The following TRPM3 variants were observed in gnomAD, a reference collection of about 807,000 sequenced individuals.
The protein encoded by TRPM3 is long transient receptor potential channel 3.
In TRPM3, 77 loss-of-function variants were observed where a neutral mutation model predicts 181.2. The observed-to-expected ratio is 0.42, with a 90% CI of 0.35 to 0.51. TRPM3 has a LOEUF of 0.51. TRPM3 is among the 20% of genes least tolerant of loss of function. The pLI, the probability that TRPM3 is intolerant of heterozygous loss-of-function variation, is 0.01. For synonymous variants in TRPM3, 745 were observed against 796.4 expected, an observed-to-expected ratio of 0.94 and a Z score of 1.09; for missense variants, 1,759 against 2,196.7, an observed-to-expected ratio of 0.80 and a Z score of 3.98.
intron 1 of TRPM3, among the ~76,000 whole-genome samples, chr9:70,963,621 G>A (rs2097158732): frequency 6.6e-6 from 1 of 152,080 alleles, no homozygotes; most frequent in East Asian, 1.9e-4. Flanking sequence ...CAAGTGTGCT[G>A]TATTTTGACT....
chr9:71,385,836 C>T (rs2092910237), intron 1 of TRPM3, among the ~76,000 whole-genome samples: 1 of 152,054 alleles, frequency 6.6e-6, no homozygotes, highest in Non-Finnish European at 1.5e-5. Flanking sequence ...TCCCAAGTAG[C>T]TGAGACTACA....
At chr9:71,220,356 TTTA>T (rs34805476) in intron 1 of TRPM3, among the ~76,000 whole-genome samples, 87,960 of 145,794 alleles carry the variant, frequency 0.6, 28,667 homozygotes, top group East Asian at 0.95. Context: ...AAAAGTCTGA[TTTA>T]TTATTATTAT....
chr9:70,545,901 A>C (rs1468163908), intron 25 of TRPM3, among the ~76,000 whole-genome samples: 1 of 152,200 alleles, frequency 6.6e-6, no homozygotes, highest in Non-Finnish European at 1.5e-5. Flanking sequence ...GACTGGTAGC[A>C]TAGGCAGTTT....
chr9:71,115,223 C>G (rs1587376260), intron 1 of TRPM3, among the ~76,000 whole-genome samples: 1 of 137,248 alleles, frequency 7.3e-6, no homozygotes, highest in African/African-American at 2.5e-5. Context: ...CAGCTTTTTT[C>G]AACGTGGGGT....
chr9:70,943,028 C>T (rs555793491), intron 1 of TRPM3, among the ~76,000 whole-genome samples: 2 of 151,964 alleles, frequency 1.3e-5, no homozygotes, highest in South Asian at 2.1e-4. Context: ...CTTTGGCATT[C>T]GAGATGTGAA....
At chr9:70,670,390 T>G (rs2062685465) in intron 9 of TRPM3, among the ~76,000 whole-genome samples, 1 of 152,250 alleles carries the variant, frequency 6.6e-6, no homozygotes, top group South Asian at 2.1e-4. Flanking sequence ...TAAGTTCTTT[T>G]ATTGAATTCT....
At chr9:70,863,534 C>A (rs1028278005) in intron 2 of TRPM3, among the ~76,000 whole-genome samples, 1 of 152,122 alleles carries the variant, frequency 6.6e-6, no homozygotes, top group African/African-American at 2.4e-5. Context: ...AATGAGGAAT[C>A]TCACTTCTTT....
chr9:70,665,597 T>C (rs1263557634), intron 9 of TRPM3, among the ~76,000 whole-genome samples: 1 of 152,190 alleles, frequency 6.6e-6, no homozygotes, highest in Non-Finnish European at 1.5e-5. Flanking sequence ...AACAGAGAAC[T>C]TCATGAGTGT....
intron 1 of TRPM3, among the ~76,000 whole-genome samples, chr9:71,077,960 A>G (rs935780758): frequency 2.1e-5 from 3 of 144,512 alleles, no homozygotes; most frequent in African/African-American, 7.7e-5. Context: ...GTAGCCAACC[A>G]CACAAGCTTC....
chr9:70,689,765 A>G (rs10121703), intron 8 of TRPM3, among the ~76,000 whole-genome samples: 5,041 of 152,160 alleles, frequency 0.033, 89 homozygotes, highest in Non-Finnish European at 0.04. Context: ...GCAGGAATAT[A>G]TTATAGAAAA....
chr9:71,031,998 TA>T (rs368579038), intron 1 of TRPM3, among the ~76,000 whole-genome samples: 24 of 504 alleles, frequency 0.048, no homozygotes, highest in African/African-American at 0.15. Flanking sequence ...TATATATATA[TA>T]ATTATATAAT....
chr9:70,791,940 C>T (rs1472318268), intron 6 of TRPM3, among the ~76,000 whole-genome samples: 1 of 152,134 alleles, frequency 6.6e-6, no homozygotes, highest in East Asian at 1.9e-4. Flanking sequence ...GGGGCATTGC[C>T]TTCTTGCTTT....
At chr9:70,892,140 C>T (rs1225046229) in intron 1 of TRPM3, among the ~76,000 whole-genome samples, 1 of 152,070 alleles carries the variant, frequency 6.6e-6, no homozygotes, top group Non-Finnish European at 1.5e-5. Flanking sequence ...ATGAATCGCC[C>T]ATGTTATTTT....
At chr9:71,438,635 T>G (rs760948094) in intron 1 of TRPM3, among the ~76,000 whole-genome samples, 4 of 152,196 alleles carry the variant, frequency 2.6e-5, no homozygotes, top group Non-Finnish European at 5.9e-5. Context: ...ATTGTGCCAC[T>G]GCACCCCAGC....
At chr9:70,874,627 TG>T (rs1415975643) in intron 1 of TRPM3, among the ~76,000 whole-genome samples, 1 of 152,016 alleles carries the variant, frequency 6.6e-6, no homozygotes, top group Non-Finnish European at 1.5e-5. Flanking sequence ...CTTCTGATTT[TG>T]TTAGCAGCCA....
At chr9:71,333,381 G>C (rs1348130562) in intron 1 of TRPM3, among the ~76,000 whole-genome samples, 1 of 151,982 alleles carries the variant, frequency 6.6e-6, no homozygotes, top group African/African-American at 2.4e-5. Context: ...TGAACATAGA[G>C]ATTTACTTCC....
intron 1 of TRPM3, among the ~76,000 whole-genome samples, chr9:71,073,362 G>A (rs2063027063): frequency 6.6e-6 from 1 of 152,198 alleles, no homozygotes. Context: ...AGTAGGACAT[G>A]TGACGGTTCA....
At chr9:71,007,110 A>AAAGAAAGG (rs1381321214) in intron 1 of TRPM3, among the ~76,000 whole-genome samples, 1 of 150,430 alleles carries the variant, frequency 6.6e-6, no homozygotes, top group Non-Finnish European at 1.5e-5. Flanking sequence ...AAAAAAAGAA[A>AAAGAAAGG]AAGAAAGGGC....
chr9:70,999,037 C>T (rs1429597750), intron 1 of TRPM3, among the ~76,000 whole-genome samples: 1 of 152,168 alleles, frequency 6.6e-6, no homozygotes, highest in Non-Finnish European at 1.5e-5. Context: ...TCACTACCTT[C>T]TTTAAGCTCC....
Sources: allele counts gnomAD v4.1 joint callset (sites outside exome capture counted in the v4.1 genomes callset), GRCh38; gene constraint gnomAD v4.1.1; transcripts MANE v1.5; gene names NCBI Gene and HGNC (gene_info 2026-07-23, HGNC 2026-07-21).